The following MAP4K3 variants were observed in gnomAD, a reference collection of about 807,000 sequenced individuals.
The protein encoded by MAP4K3 is mitogen-activated protein kinase kinase kinase kinase 3, also known as MAPK/ERK kinase kinase kinase 3.
A neutral mutation model predicts 143.5 loss-of-function variants in MAP4K3; 94 were observed. The ratio of observed to expected loss-of-function variants is 0.65; its 90% CI spans 0.55 to 0.78. The LOEUF is 0.78. Among genes scored for constraint, MAP4K3 ranks in the 30% least tolerant of loss-of-function variants. The pLI is 0.00. For synonymous variants in MAP4K3, 416 were observed against 347.2 expected (o/e 1.20, Z -2.20); for missense variants, 1,077 against 1,068.1 (o/e 1.01, Z -0.12).
chr2:39,286,604 C>T (rs1418363051), intron 21 of MAP4K3, among the ~76,000 whole-genome samples: 1 of 152,086 alleles, frequency 6.6e-6, no homozygotes, highest in Non-Finnish European at 1.5e-5. Context: ...TGTTTTATAA[C>T]GTACTACATA....
At chr2:39,393,512 CTTCA>C (rs922855779) in intron 1 of MAP4K3, among the ~76,000 whole-genome samples, 7 of 152,248 alleles carry the variant, frequency 4.6e-5, no homozygotes, top group Admixed American at 3.9e-4. Flanking sequence ...GTATAGCAAA[CTTCA>C]TTTTTTAAAA....
chr2:39,394,430 T>C (rs958997967), intron 1 of MAP4K3, among the ~76,000 whole-genome samples: 3 of 152,226 alleles, frequency 2.0e-5, no homozygotes, highest in African/African-American at 7.2e-5. Context: ...CCAGGTTTTC[T>C]AGATTGTGGT....
chr2:39,422,798 A>C (rs1161554740), intron 1 of MAP4K3, among the ~76,000 whole-genome samples: 3 of 152,218 alleles, frequency 2.0e-5, no homozygotes, highest in Non-Finnish European at 4.4e-5. Context: ...TCACAGACAT[A>C]AATGTAAAAT....
intron 15 of MAP4K3, among the ~76,000 whole-genome samples, chr2:39,305,174 C>A (rs1682657806): frequency 6.6e-6 from 1 of 152,136 alleles, no homozygotes; most frequent in South Asian, 2.1e-4. Context: ...CATAATGCCA[C>A]TGGACTGTAG....
rs186638329 is a variant in MAP4K3, at chr2:39,328,342, A to C, written c.531-2065T>G. On this transcript the variant is annotated intron_variant, in intron 8 of 33. Transcript: ENST00000263881. ...TGAGACCCCATCTCAAAAACCAAAA[A>C]CAAAAACAAACAAAAATTAGTGAAT... Among the ~76,000 whole-genome samples the C allele has an allele frequency of 1.3e-3, 197 of 152,256 alleles. 3 individuals carry two copies. Among genetic ancestry groups the C allele is most frequent in the African/African-American group, 4.0e-3 (166 of 41,528 alleles).
Position 39,343,472 on chromosome 2 carries a change from A to G in MAP4K3, c.246-20T>C, listed in dbSNP as rs1255449598. The G allele has an allele frequency of 1.0e-5, 16 of 1,603,510 alleles. No homozygotes were observed. Among genetic ancestry groups the G allele is most frequent in the Non-Finnish European group, 1.4e-5 (16 of 1,171,684 alleles). ...TCTCGCCTATAAAGAGAAAAGAAGC[A>G]TGTATCATATTTTCATGATTAAAAC... On this transcript the variant is annotated intron_variant, in intron 3 of 33. Coordinates refer to ENST00000263881, the MANE Select transcript of MAP4K3 (RefSeq NM_003618.4).
intron 1 of MAP4K3, among the ~76,000 whole-genome samples, chr2:39,391,073 A>G (rs1428856376): frequency 1.3e-5 from 2 of 152,120 alleles, no homozygotes; most frequent in African/African-American, 2.4e-5. Flanking sequence ...TACATACTAT[A>G]GGCCGGGCGC....
chr2:39,303,617 C>T (rs774888876), intron 15 of MAP4K3, among the ~76,000 whole-genome samples: 5 of 152,208 alleles, frequency 3.3e-5, no homozygotes, highest in Non-Finnish European at 7.3e-5. Flanking sequence ...CGGCTCCCTG[C>T]AACCTCTGCC....
intron 12 of MAP4K3, among the ~76,000 whole-genome samples, chr2:39,322,676 T>G (rs1297471770): frequency 7.1e-6 from 1 of 141,062 alleles, no homozygotes; most frequent in African/African-American, 2.7e-5. Context: ...CTATTTTTTG[T>G]TTTTTTTTTT....
chr2:39,299,731 A>T lies in MAP4K3; in HGVS notation c.1178+12T>A. 1 of 1,506,424 alleles carries T rather than the reference A, an allele frequency of 6.6e-7. No individual in the cohort carries two copies. The highest frequency in any genetic ancestry group is 9.0e-7 in the Non-Finnish European group (1 of 1,112,822). The allele number at this position is 1,506,424 out of a possible 1,614,324, so 93.3% of individuals were successfully genotyped here. ...TTGAATTTAAATTAAGTTTTAAAAG[A>T]ACTTTACTTACTTGTTTGCACCTAA... On this transcript the variant is annotated intron_variant, in intron 16 of 33. Transcript: ENST00000263881.
chr2:39,359,056 T>A (rs1392589510), intron 2 of MAP4K3, among the ~76,000 whole-genome samples: 10 of 152,088 alleles, frequency 6.6e-5, no homozygotes, highest in Admixed American at 6.5e-4. Context: ...AAGTCCAAAG[T>A]CTCATCTGAG....
chr2:39,426,514 CA>C (rs1003963063), intron 1 of MAP4K3, among the ~76,000 whole-genome samples: 1 of 151,552 alleles, frequency 6.6e-6, no homozygotes, highest in Non-Finnish European at 1.5e-5. Flanking sequence ...GAATACACAT[CA>C]AAGTATTTAT....
intron 2 of MAP4K3, among the ~76,000 whole-genome samples, chr2:39,367,820 T>A (rs537658785): frequency 6.6e-6 from 1 of 152,378 alleles, no homozygotes; most frequent in African/African-American, 2.4e-5. Context: ...ATATTCTGCA[T>A]GTTTATGTAT....
chr2:39,281,075 G>C (rs1158974188), intron 22 of MAP4K3, among the ~76,000 whole-genome samples: 1 of 152,002 alleles, frequency 6.6e-6, no homozygotes. Flanking sequence ...AAATACTCAA[G>C]GTACAAGAAT....
intron 1 of MAP4K3, among the ~76,000 whole-genome samples, chr2:39,414,153 C>T (rs1164515437): frequency 1.3e-5 from 2 of 152,082 alleles, no homozygotes; most frequent in Non-Finnish European, 2.9e-5. Context: ...TAGAAATAGC[C>T]AAATCTAGAA....
chr2:39,264,366 T>C (rs939001730), intron 28 of MAP4K3, among the ~76,000 whole-genome samples: 2 of 152,234 alleles, frequency 1.3e-5, no homozygotes, highest in African/African-American at 4.8e-5. Context: ...CTTGAAACTA[T>C]ATTTTCATCT....
chr2:39,297,794 C>A (rs563812512), intron 16 of MAP4K3, among the ~76,000 whole-genome samples: 1 of 152,172 alleles, frequency 6.6e-6, no homozygotes, highest in Admixed American at 6.5e-5. Flanking sequence ...AGCCAAAGAG[C>A]AAACTTTTGG....
intron 15 of MAP4K3, among the ~76,000 whole-genome samples, chr2:39,305,819 G>C (rs1347650036): frequency 5.3e-5 from 8 of 151,614 alleles, no homozygotes; most frequent in African/African-American, 1.7e-4. Flanking sequence ...GCACAGAAAA[G>C]AGTATTTGTA....
At chr2:39,317,339 G>T (rs1354608150) in intron 12 of MAP4K3, among the ~76,000 whole-genome samples, 1 of 152,112 alleles carries the variant, frequency 6.6e-6, no homozygotes, top group Non-Finnish European at 1.5e-5. Context: ...TACCATTCCA[G>T]ACATAGACAT....
Sources: gnomAD v4.1 joint callset for allele counts (sites outside exome capture counted in the v4.1 genomes callset) on GRCh38, gnomAD v4.1.1 for gene constraint, MANE v1.5 for transcripts, NCBI Gene and HGNC (gene_info 2026-07-23, HGNC 2026-07-21) for gene names.